Variants in OGDHL observed in about 807,000 individuals in gnomAD.
The protein encoded by OGDHL is 2-oxoglutarate dehydrogenase-like, mitochondrial.
A neutral mutation model predicts 109.6 loss-of-function variants in OGDHL; 79 were observed. That is an observed-to-expected ratio of 0.72 (90% CI 0.60 to 0.87). The LOEUF (loss-of-function observed/expected upper bound fraction) is 0.87. Ranked by LOEUF, OGDHL falls within the 40% of genes least tolerant of loss-of-function variation. The probability of loss-of-function intolerance (pLI) is 0.00; values close to 1 mark genes in which losing one functional copy is unlikely to be tolerated. For synonymous variants in OGDHL, 528 were observed against 537.2 expected (o/e 0.98, Z 0.24); for missense variants, 1,275 against 1,362.2 (o/e 0.94, Z 1.01).
chr10:49,741,729 A>C (rs1449920264), intron 15 of OGDHL, among the ~76,000 whole-genome samples: 2 of 149,226 alleles, frequency 1.3e-5, no homozygotes, highest in African/African-American at 5.0e-5. Context: ...CACACACACC[A>C]CACACATACA....
intron 3 of OGDHL, among the ~76,000 whole-genome samples, chr10:49,752,982 C>T (rs1842705758): frequency 6.6e-6 from 1 of 152,240 alleles, no homozygotes; most frequent in Non-Finnish European, 1.5e-5. Context: ...AAGACCTATG[C>T]ACAAAGGTGT....
In OGDHL at chr10:49,758,478, T is replaced by C. The variant is rs765621906; in HGVS notation, c.115A>G (p.Thr39Ala). 1.2e-6 allele frequency: 2 copies of C among 1,613,878 alleles called. No homozygotes were observed. Among genetic ancestry groups the C allele is most frequent in the Non-Finnish European group, 1.7e-6 (2 of 1,180,016 alleles). The stretch of plus-strand genomic sequence containing the variant: ...CCTCCACCTTTGCTGCTTGGGAAGG[T>C]GGCCGGTGGCCCGGAGGACCTGCTG... ...WRSRSSGPPA[T>A]FPSSKGGGGS... The change falls in exon 2 of 23, where the codon ACC becomes GCC. Residue 39 changes from threonine (T) to alanine (A), a missense_variant. Thr to Ala is a moderately conservative substitution (Grantham distance 58). Coordinates refer to ENST00000374103, the MANE Select transcript of OGDHL (RefSeq NM_018245.3).
chr10:49,741,675 T>TA (rs1294610251), intron 15 of OGDHL, among the ~76,000 whole-genome samples: 2 of 144,170 alleles, frequency 1.4e-5, no homozygotes, highest in East Asian at 4.2e-4. Context: ...ATGCCACACA[T>TA]ACCACACACA....
intron 7 of OGDHL, 111 bp from the exon 8 acceptor site, chr10:49,749,927 C>T: frequency 2.4e-6 from 2 of 834,450 alleles, no homozygotes; most frequent in East Asian, 2.7e-5. Context: ...GTGCCCAGAG[C>T]CCTCCTCAGG....
chr10:49,744,191 T>TA (rs1842011780), intron 13 of OGDHL, 69 bp from the exon 14 acceptor site: 2 of 1,568,118 alleles, frequency 1.3e-6, no homozygotes, highest in African/African-American at 2.7e-5. Context: ...CCAGCCTGCC[T>TA]CCCCAGGACT....
At chr10:49,762,142 C>T (rs1393410315) in intron 1 of OGDHL, 97 bp downstream of exon 1, 1 of 153,526 alleles carries the variant, frequency 6.5e-6, no homozygotes, top group Non-Finnish European at 1.4e-5. Context: ...GCAGCGGCGC[C>T]CCAGGACCCA....
Position 49,762,289 on chromosome 10 carries a change from C to A in OGDHL, c.-52G>T, listed in dbSNP as rs983961495. ...GCAGCGAGGTCCGGAGGCTGCAGGTCAGGGGGCTGCGCGGAAGGGGTGCGC... is the reference window on the plus strand; with the variant it reads ...GCAGCGAGGTCCGGAGGCTGCAGGTAAGGGGGCTGCGCGGAAGGGGTGCGC... On this transcript the variant is annotated 5_prime_UTR_variant, in exon 1 of 23. Coordinates refer to ENST00000374103, the MANE Select transcript of OGDHL (RefSeq NM_018245.3). 2.6e-5 allele frequency: 4 copies of A among 152,098 alleles called. No homozygotes were observed. Among genetic ancestry groups the A allele is most frequent in the African/African-American group, 9.7e-5 (4 of 41,448 alleles). The allele number at this position is 152,098 out of a possible 1,614,324, so 9.4% of individuals were successfully genotyped here.
chr10:49,755,039 T>C (rs1002706499), intron 3 of OGDHL, among the ~76,000 whole-genome samples: 2 of 152,070 alleles, frequency 1.3e-5, no homozygotes, highest in Non-Finnish European at 2.9e-5. Flanking sequence ...AGGTCAGGAA[T>C]TCAAGACCAG....
At chr10:49,752,309 A>G (rs1412832674) in intron 4 of OGDHL, 61 bp from the exon 5 acceptor site, 2 of 1,255,886 alleles carry the variant, frequency 1.6e-6, no homozygotes, top group African/African-American at 2.9e-5. Flanking sequence ...GGTCAGGCCC[A>G]GGTGGAGCCC....
rs564093719 is a variant in OGDHL, at chr10:49,738,320, C to T, written c.2320-58G>A. 93 of 1,581,730 alleles carry T rather than the reference C, an allele frequency of 5.9e-5. 1 individual carries two copies. The African/African-American group carries it at 1.0e-3, about 18-fold the overall frequency. The stretch of plus-strand genomic sequence containing the variant: ...CCCCACCATGGGAAAGACATCTGGC[C>T]CTGCAGGGACCCCAGGCTCAGGGGA... On this transcript the variant is annotated intron_variant, in intron 17 of 22. Coordinates refer to ENST00000374103, the MANE Select transcript of OGDHL (RefSeq NM_018245.3).
At position 49,756,868 on chromosome 10, in the gene OGDHL, G is replaced by C; in HGVS notation, c.283C>G (p.His95Asp). 6.2e-7 allele frequency: 1 copy of C among 1,614,120 alleles called. No individual in the cohort carries two copies. The highest frequency in any genetic ancestry group is 1.3e-5 in the African/African-American group (1 of 75,060). The change falls in exon 3 of 23, where the codon CAT becomes GAT. Residue 95 changes from histidine (H) to aspartate (D), a missense_variant. Coordinates refer to ENST00000374103, the MANE Select transcript of OGDHL (RefSeq NM_018245.3). ...CTTGAGACTGCAGACCTGCTCTCAT[G>C]GACAACAGAAGGGGGCCGTGGCTGA... ...SAQPRPPSVVHESRSAVSSRT... is the reference protein window; with the variant it reads ...SAQPRPPSVVDESRSAVSSRT...
At position 49,745,283 on chromosome 10, in the gene OGDHL, C is replaced by A. The variant is rs115832791; in HGVS notation, c.1629+61G>T. 3,420 of 1,591,226 alleles carry A rather than the reference C, an allele frequency of 2.1e-3. 68 individuals are homozygous for A. The African/African-American group carries it at 0.038, about 18-fold the overall frequency. ...AGCACTGGGCTGGTAACATCTACAA[C>A]CCCTCTCCAGGGTCCCCACCCAAAG... On this transcript the variant is annotated intron_variant, in intron 12 of 22. Coordinates refer to ENST00000374103, the MANE Select transcript of OGDHL (RefSeq NM_018245.3).
intron 21 of OGDHL, 45 bp from the exon 22 acceptor site, chr10:49,736,222 A>G: frequency 6.4e-7 from 1 of 1,570,282 alleles, no homozygotes; most frequent in African/African-American, 1.3e-5. Flanking sequence ...GAGGGGCGGT[A>G]TGTCCCCAGC....
intron 11 of OGDHL, 23 bp from the exon 12 acceptor site, chr10:49,745,519 T>C: frequency 6.2e-7 from 1 of 1,612,890 alleles, no homozygotes; most frequent in Non-Finnish European, 8.5e-7. Flanking sequence ...CCAGAGGGGC[T>C]CAGGCCCTTC....
chr10:49,755,027 T>C (rs1471126019), intron 3 of OGDHL, among the ~76,000 whole-genome samples: 2 of 152,148 alleles, frequency 1.3e-5, no homozygotes, highest in Admixed American at 1.3e-4. Context: ...GCAGATCACT[T>C]GAGGTCAGGA....
chr10:49,737,664 G>T (rs1358692063), intron 20 of OGDHL, 122 bp downstream of exon 20: 5 of 1,037,512 alleles, frequency 4.8e-6, no homozygotes, highest in Admixed American at 4.1e-5. Flanking sequence ...CATGCCAGGA[G>T]CTGCTGCAGG....
chr10:49,737,022 C>T lies in OGDHL; in HGVS notation c.2591-502G>A, dbSNP rs369726469. On this transcript the variant is annotated intron_variant, in intron 20 of 22. Transcript: ENST00000374103. ...CATGATCCTGACCCCAGGTCACGCA[C>T]ACTGCAAAACCTCTCAGGAAGCTAC... Among the ~76,000 whole-genome samples, 208 of 152,284 alleles carry T rather than the reference C, an allele frequency of 1.4e-3. 1 individual carries two copies. The highest frequency in any genetic ancestry group is 0.01 in the Middle Eastern group (3 of 294).
At chr10:49,739,962 G>A (rs1327527396) in intron 16 of OGDHL, 123 bp from the exon 17 acceptor site, 10 of 976,414 alleles carry the variant, frequency 1.0e-5, no homozygotes, top group South Asian at 1.8e-5. Context: ...AAGCCAGGAC[G>A]AACCCAGGGA....
chr10:49,734,946 C>T lies in OGDHL; in HGVS notation c.*282G>A. Reference sequence around the variant, plus strand: ...GCCCCCGGGTGTCTGTCTTGAGATACAGGTGGAGAAGCCGCCCAAGAAATT... The same window carrying T: ...GCCCCCGGGTGTCTGTCTTGAGATATAGGTGGAGAAGCCGCCCAAGAAATT... On this transcript the variant is annotated 3_prime_UTR_variant, in exon 23 of 23. Coordinates refer to ENST00000374103, the MANE Select transcript of OGDHL (RefSeq NM_018245.3). 1 of 265,390 alleles carries T rather than the reference C, an allele frequency of 3.8e-6. No individual in the cohort carries two copies. The highest frequency in any genetic ancestry group is 7.1e-6 in the Non-Finnish European group (1 of 141,218). The allele number at this position is 265,390 out of a possible 1,614,324, so 16.4% of individuals were successfully genotyped here.
Sources: allele counts gnomAD v4.1 joint callset (sites outside exome capture counted in the v4.1 genomes callset), GRCh38; gene constraint gnomAD v4.1.1; transcripts MANE v1.5; gene names NCBI Gene and HGNC (gene_info 2026-07-23, HGNC 2026-07-21).